Variants in RAD51B observed in about 807,000 individuals in gnomAD.
The protein encoded by RAD51B is DNA repair protein RAD51 homolog 2.
RAD51B carries 38 observed loss-of-function variants against 42.2 expected under a neutral mutation model. That is an observed-to-expected ratio of 0.90 (90% confidence interval 0.70 to 1.18). The LOEUF (loss-of-function observed/expected upper bound fraction) is 1.18, where lower values mean the gene tolerates loss of function less well. RAD51B is among the 50% of genes most tolerant of loss of function. RAD51B has a pLI of 0.00. For synonymous variants in RAD51B, 154 were observed against 145.2 expected (o/e 1.06, Z -0.43); for missense variants, 373 against 400.7 (o/e 0.93, Z 0.59).
At chr14:68,171,427 G>A (rs1056540171) in intron 7 of RAD51B, among the ~76,000 whole-genome samples, 1 of 151,834 alleles carries the variant, frequency 6.6e-6, no homozygotes, top group African/African-American at 2.4e-5. Context: ...AGCCTCCCAA[G>A]TAGCTGGGAT....
chr14:68,226,906 C>A (rs1338720854), intron 7 of RAD51B, among the ~76,000 whole-genome samples: 1 of 152,148 alleles, frequency 6.6e-6, no homozygotes, highest in Non-Finnish European at 1.5e-5. Flanking sequence ...AGAATCCATT[C>A]TAGTTTTTCT....
chr14:68,570,029 A>G (rs528692579), intron 10 of RAD51B, among the ~76,000 whole-genome samples: 3 of 152,316 alleles, frequency 2.0e-5, no homozygotes, highest in Admixed American at 2.0e-4. Flanking sequence ...TGGCAATAAC[A>G]TTCCTTTCCT....
intron 7 of RAD51B, among the ~76,000 whole-genome samples, chr14:68,156,455 T>TTCTCTCTCCCTC (rs2078508626): frequency 2.6e-5 from 3 of 114,266 alleles, no homozygotes; most frequent in African/African-American, 1.0e-4. Context: ...CTTAGAAAAT[T>TTCTCTCTCCCTC]TCTCTCTCTC....
chr14:68,248,692 A>G (rs1377595643), intron 7 of RAD51B, among the ~76,000 whole-genome samples: 1 of 152,228 alleles, frequency 6.6e-6, no homozygotes, highest in Non-Finnish European at 1.5e-5. Flanking sequence ...GATTGGACCA[A>G]CCAACAAGGC....
At chr14:68,545,535 A>C (rs762559438) in intron 10 of RAD51B, 6 of 455,920 alleles carry the variant, frequency 1.3e-5, no homozygotes, top group South Asian at 9.3e-5. Context: ...GAAAGACATT[A>C]TTATGAGTAC....
intron 7 of RAD51B, among the ~76,000 whole-genome samples, chr14:68,279,151 T>C (rs2081276337): frequency 6.6e-6 from 1 of 152,240 alleles, no homozygotes; most frequent in Non-Finnish European, 1.5e-5. Context: ...CTGGATTCAC[T>C]GGAGCCAACA....
chr14:68,429,175 T>G (rs2084935722), intron 9 of RAD51B, among the ~76,000 whole-genome samples: 1 of 152,208 alleles, frequency 6.6e-6, no homozygotes, highest in Non-Finnish European at 1.5e-5. Context: ...TTGGGTTGGT[T>G]CCAAGTCTTT....
intron 5 of RAD51B, among the ~76,000 whole-genome samples, chr14:67,871,183 C>A (rs1328710169): frequency 1.3e-5 from 2 of 152,062 alleles, no homozygotes; most frequent in East Asian, 3.9e-4. Flanking sequence ...AATTGATAGA[C>A]CGCTAGCAAG....
chr14:68,204,476 A>T (rs1462392718), intron 7 of RAD51B, among the ~76,000 whole-genome samples: 1 of 152,234 alleles, frequency 6.6e-6, no homozygotes, highest in Non-Finnish European at 1.5e-5. Flanking sequence ...ATCATAATTG[A>T]AAAAGTTAGA....
At chr14:68,163,854 G>C (rs1323133712) in intron 7 of RAD51B, among the ~76,000 whole-genome samples, 1 of 152,186 alleles carries the variant, frequency 6.6e-6, no homozygotes, top group Non-Finnish European at 1.5e-5. Flanking sequence ...TTACTCGTTA[G>C]AATGCAAGTT....
chr14:68,265,683 C>T (rs1426307151), intron 7 of RAD51B, among the ~76,000 whole-genome samples: 1 of 152,012 alleles, frequency 6.6e-6, no homozygotes. Context: ...ACCCAGGAGG[C>T]GGAGGTTGCA....
intron 10 of RAD51B, among the ~76,000 whole-genome samples, chr14:68,509,310 G>A (rs922155799): frequency 6.6e-6 from 1 of 152,236 alleles, no homozygotes; most frequent in African/African-American, 2.4e-5. Context: ...AAGCTCCCCA[G>A]CTCCCTTCAT....
chr14:68,507,104 C>T (rs929934893), intron 10 of RAD51B, among the ~76,000 whole-genome samples: 6 of 152,008 alleles, frequency 3.9e-5, no homozygotes, highest in Non-Finnish European at 7.4e-5. Flanking sequence ...TGGGCATCAC[C>T]GCACAGGTGC....
At chr14:68,667,846 C>A (rs1483890741) in intron 11 of RAD51B, among the ~76,000 whole-genome samples, 1 of 152,244 alleles carries the variant, frequency 6.6e-6, no homozygotes, top group East Asian at 1.9e-4. Flanking sequence ...CAGAAAAACA[C>A]TTACACCCTG....
intron 7 of RAD51B, among the ~76,000 whole-genome samples, chr14:67,992,077 TAGAATA>T (rs1407871508): frequency 6.6e-6 from 1 of 152,192 alleles, no homozygotes; most frequent in Non-Finnish European, 1.5e-5. Flanking sequence ...ATAGAATGTC[TAGAATA>T]AGATTAGTAG....
At chr14:68,654,622 C>T (rs925366604) in intron 11 of RAD51B, among the ~76,000 whole-genome samples, 3 of 152,160 alleles carry the variant, frequency 2.0e-5, no homozygotes, top group African/African-American at 4.8e-5. Flanking sequence ...TTTAGACCCC[C>T]GTGGGTGCTT....
intron 7 of RAD51B, among the ~76,000 whole-genome samples, chr14:68,202,261 G>A (rs2079501457): frequency 6.6e-6 from 1 of 152,068 alleles, no homozygotes. Flanking sequence ...TCACGGTGGT[G>A]GTTACTGAAG....
intron 7 of RAD51B, among the ~76,000 whole-genome samples, chr14:67,943,221 A>G (rs2045268334): frequency 1.3e-5 from 2 of 152,232 alleles, no homozygotes; most frequent in Non-Finnish European, 2.9e-5. Context: ...CTTGGTTGAT[A>G]GATTTCACAA....
At chr14:68,220,415 TC>T (rs2079901147) in intron 7 of RAD51B, among the ~76,000 whole-genome samples, 3 of 152,120 alleles carry the variant, frequency 2.0e-5, no homozygotes, top group Admixed American at 6.5e-5. Context: ...AAATCCAGCA[TC>T]CCTTTATGAT....
Sources: gnomAD v4.1 joint callset for allele counts (sites outside exome capture counted in the v4.1 genomes callset) on GRCh38, gnomAD v4.1.1 for gene constraint, MANE v1.5 for transcripts, NCBI Gene and HGNC (gene_info 2026-07-23, HGNC 2026-07-21) for gene names.